The following TAFA5 variants were observed in gnomAD, a reference collection of about 807,000 sequenced individuals.
The protein encoded by TAFA5 is chemokine-like protein TAFA-5.
Under a neutral mutation model 15.3 loss-of-function variants are expected in TAFA5, and 6 were observed. The observed-to-expected ratio is 0.39, with a 90% CI of 0.21 to 0.77. TAFA5 has a LOEUF of 0.77. Ranked by LOEUF, TAFA5 falls within the 30% of genes least tolerant of loss-of-function variation. The probability of loss-of-function intolerance (pLI) is 0.41; values close to 1 mark genes in which losing one functional copy is unlikely to be tolerated. For synonymous variants in TAFA5, 103 were observed against 80.7 expected, an observed-to-expected ratio of 1.28 and a Z score of -1.48; for missense variants, 161 against 193.1, an observed-to-expected ratio of 0.83 and a Z score of 0.98.
In TAFA5 at chr22:48,529,229, G is replaced by A. The variant is rs369366799; in HGVS notation, c.112+39525G>A. ...AATGAGGATGTCCAGGCAGGAGATG[G>A]GGGTGTTCAGGCAGGAGATGGGGGT... On this transcript the variant is annotated intron_variant, in intron 1 of 3. Transcript: ENST00000402357. Among the ~76,000 whole-genome samples, 74 of 100,750 alleles carry A rather than the reference G, an allele frequency of 7.3e-4. 11 individuals carry two copies. The highest frequency in any genetic ancestry group is 5.3e-3 in the Middle Eastern group (1 of 188). The allele number at this position is 100,750 out of a possible 152,430, so 66.1% of individuals were successfully genotyped here.
chr22:48,711,242 G>C (rs1929243004), intron 3 of TAFA5, among the ~76,000 whole-genome samples: 1 of 152,182 alleles, frequency 6.6e-6, no homozygotes, highest in African/African-American at 2.4e-5. Flanking sequence ...CTCATAGGTG[G>C]AGGGGACGGC....
intron 1 of TAFA5, among the ~76,000 whole-genome samples, chr22:48,540,573 C>T (rs1202298436): frequency 6.6e-6 from 1 of 150,534 alleles, no homozygotes; most frequent in East Asian, 2.0e-4. Context: ...AAACGCTGAG[C>T]GCAGATATGC....
At chr22:48,744,551 C>G (rs1350578819) in intron 3 of TAFA5, among the ~76,000 whole-genome samples, 1 of 152,112 alleles carries the variant, frequency 6.6e-6, no homozygotes, top group African/African-American at 2.4e-5. Context: ...AGCCCTGCAG[C>G]CTTGGGGAAA....
At chr22:48,616,671 C>T (rs1925617136) in intron 1 of TAFA5, among the ~76,000 whole-genome samples, 1 of 152,256 alleles carries the variant, frequency 6.6e-6, no homozygotes, top group Admixed American at 6.5e-5. Context: ...AGATGGGCCA[C>T]TGAAGCCCAA....
chr22:48,529,465 G>GTGGGATTCCAGGGGTCTCCGAC (rs1921896610), intron 1 of TAFA5, among the ~76,000 whole-genome samples: 1 of 43,982 alleles, frequency 2.3e-5, no homozygotes. Flanking sequence ...GGGTGTCCAG[G>GTGGGATTCCAGGGGTCTCCGAC]CAGGAGATGG....
intron 1 of TAFA5, among the ~76,000 whole-genome samples, chr22:48,615,782 T>C (rs28482170): frequency 0.21 from 32,205 of 151,956 alleles, 3,549 homozygotes; most frequent in African/African-American, 0.22. Context: ...GCCAGGTCAT[T>C]GCGGGGGACC....
intron 1 of TAFA5, among the ~76,000 whole-genome samples, chr22:48,542,859 G>C (rs1449210130): frequency 1.3e-5 from 2 of 149,608 alleles, no homozygotes; most frequent in Admixed American, 6.7e-5. Flanking sequence ...TGTTTGTGTA[G>C]AGTATGTATG....
chr22:48,606,995 C>T (rs1350976617), intron 1 of TAFA5, among the ~76,000 whole-genome samples: 1 of 152,246 alleles, frequency 6.6e-6, no homozygotes, highest in Non-Finnish European at 1.5e-5. Context: ...TTCACTGATG[C>T]AGTCACCACA....
intron 2 of TAFA5, among the ~76,000 whole-genome samples, chr22:48,679,698 T>G (rs187136336): frequency 0.011 from 454 of 40,206 alleles, 7 homozygotes; most frequent in Middle Eastern, 0.048. Context: ...CCCTCTCCCG[T>G]CTCCCCGTCC....
At chr22:48,747,847 A>T (rs1930371737) in intron 3 of TAFA5, among the ~76,000 whole-genome samples, 1 of 149,294 alleles carries the variant, frequency 6.7e-6, no homozygotes, top group South Asian at 2.1e-4. Flanking sequence ...CGGTGAGCCG[A>T]GATCGCACCA....
rs749601897 is a variant in TAFA5, at chr22:48,646,601, G to A, written c.117G>A (p.Gln39=). Residue 39 remains glutamine, a synonymous_variant, in exon 2 of 4, where the codon CAG becomes CAA. Coordinates refer to ENST00000402357, the MANE Select transcript of TAFA5 (RefSeq NM_001082967.3). ...LASLLIAYCS[Q]LAAGTCEIVT... ...CGCTTCTGCTCCTCTCTGCAGGTCA[G>A]CTGGCCGCCGGCACCTGTGAGATTG... The A allele has an allele frequency of 6.2e-7, 1 of 1,612,384 alleles. No individual in the cohort carries two copies. Among genetic ancestry groups the A allele is most frequent in the East Asian group, 2.2e-5 (1 of 44,874 alleles).
Position 48,751,087 on chromosome 22 carries a change from C to T in TAFA5, c.*1240C>T, listed in dbSNP as rs131960. The T allele has an allele frequency of 0.39, 59,474 of 152,296 alleles. 12,159 individuals are homozygous for T. Among genetic ancestry groups the T allele is most frequent in the Non-Finnish European group, 0.43 (29,317 of 68,024 alleles). The allele number at this position is 152,296 out of a possible 1,614,324, so 9.4% of individuals were successfully genotyped here. A position where few individuals can be genotyped will look rare whatever the true frequency, so the allele number is the denominator to read the frequency against. On this transcript the variant is annotated 3_prime_UTR_variant, in exon 4 of 4. Coordinates refer to ENST00000402357, the MANE Select transcript of TAFA5 (RefSeq NM_001082967.3). The stretch of plus-strand genomic sequence containing the variant: ...TCGTGCCCGGGGAGGCCGGGTTCCC[C>T]TCGCTGCGGGCCAGGCTTGGCTCCT...
In TAFA5 at chr22:48,742,991, G is replaced by C. The variant is rs980505603; in HGVS notation, c.391-6848G>C. Among the ~76,000 whole-genome samples, 19 of 152,128 alleles carry C rather than the reference G, an allele frequency of 1.2e-4. No homozygotes were observed. The highest frequency in any genetic ancestry group is 2.2e-4 in the Non-Finnish European group (15 of 68,004). ...CTGGGACGCAGGCTCAGCAGCCCCC[G>C]GATTCCAGTCAACATCCCCAGGACT... On this transcript the variant is annotated intron_variant, in intron 3 of 3. Transcript: ENST00000402357. The surrounding 1 kb of genome is among the most constrained non-coding windows in gnomAD (Gnocchi z 6.2).
At chr22:48,664,000 G>A (rs1927531169) in intron 2 of TAFA5, among the ~76,000 whole-genome samples, 1 of 152,218 alleles carries the variant, frequency 6.6e-6, no homozygotes, top group Non-Finnish European at 1.5e-5. Flanking sequence ...ACATGCTGAG[G>A]TTGCTAAGAT....
At chr22:48,685,922 G>A (rs992122572) in intron 2 of TAFA5, among the ~76,000 whole-genome samples, 4 of 150,750 alleles carry the variant, frequency 2.7e-5, no homozygotes, top group South Asian at 2.1e-4. Context: ...CAGGCCCCAC[G>A]TGCGCCCCGG....
intron 1 of TAFA5, among the ~76,000 whole-genome samples, chr22:48,630,534 C>T (rs1189933511): frequency 6.6e-6 from 1 of 152,188 alleles, no homozygotes; most frequent in East Asian, 1.9e-4. Context: ...CTCGCTCGGG[C>T]CCAGGGCAGG....
chr22:48,583,597 T>A (rs1569035016), intron 1 of TAFA5, among the ~76,000 whole-genome samples: 1 of 5,748 alleles, frequency 1.7e-4, no homozygotes, highest in Admixed American at 1.8e-3. Flanking sequence ...ACACCAAATA[T>A]ACACACACCA....
At chr22:48,561,897 T>G (rs1056957005) in intron 1 of TAFA5, among the ~76,000 whole-genome samples, 1 of 152,212 alleles carries the variant, frequency 6.6e-6, no homozygotes, top group African/African-American at 2.4e-5. Flanking sequence ...ATCAGAGTCC[T>G]TTCTGTCCTG....
rs1930184167 is a variant in TAFA5 at position 48,741,667 on chromosome 22, C to T, written c.391-8172C>T. 2.0e-5 allele frequency among the ~76,000 whole-genome samples: 3 copies of T among 151,966 alleles called. No individual in the cohort carries two copies. In the South Asian group the frequency reaches 6.2e-4, roughly 31 times the overall value. ...GAGGAGGTGAGGACACAGACACACA[C>T]AGGGCTGAGCCTGTGCAGACTCAGA... On this transcript the variant is annotated intron_variant, in intron 3 of 3. Coordinates refer to ENST00000402357, the MANE Select transcript of TAFA5 (RefSeq NM_001082967.3).
Sources: allele counts gnomAD v4.1 joint callset (sites outside exome capture counted in the v4.1 genomes callset), GRCh38; gene constraint gnomAD v4.1.1; non-coding constraint Gnocchi (gnomAD v3.1); transcripts MANE v1.5; gene names NCBI Gene and HGNC (gene_info 2026-07-23, HGNC 2026-07-21).